The following UPP2 variants were observed in gnomAD, a reference collection of about 807,000 sequenced individuals.
The protein encoded by UPP2 is uridine phosphorylase 2, also known as UPase 2.
Under a neutral mutation model 26.7 loss-of-function variants are expected in UPP2, and 23 were observed. The observed-to-expected ratio is 0.86, with a 90% CI of 0.62 to 1.22. The LOEUF is 1.22. Among genes scored for constraint, UPP2 ranks in the 50% most tolerant of loss-of-function variants. The pLI, the probability that UPP2 is intolerant of heterozygous loss-of-function variation, is 0.00. For synonymous variants in UPP2, 127 were observed against 141.3 expected (o/e 0.90, Z 0.72); for missense variants, 387 against 396.7 (o/e 0.98, Z 0.21).
intron 2 of UPP2, among the ~76,000 whole-genome samples, chr2:158,002,290 C>T (rs1335866888): frequency 1.3e-5 from 2 of 152,168 alleles, no homozygotes; most frequent in African/African-American, 4.8e-5. Flanking sequence ...ACGTGCAACT[C>T]GAAGCCAGAG....
At chr2:158,127,028 C>T (rs1683707908) in intron 6 of UPP2, among the ~76,000 whole-genome samples, 1 of 152,228 alleles carries the variant, frequency 6.6e-6, no homozygotes, top group Admixed American at 6.5e-5. Context: ...AACCATTGTA[C>T]TAACTTAGAT....
At chr2:158,130,447 T>A (rs1683792860) in intron 6 of UPP2, among the ~76,000 whole-genome samples, 1 of 78,588 alleles carries the variant, frequency 1.3e-5, no homozygotes, top group South Asian at 3.9e-4. Flanking sequence ...CAAGAATCCG[T>A]CTCAAAAAAA....
At chr2:158,120,887 C>G (rs1477614230) in intron 4 of UPP2, among the ~76,000 whole-genome samples, 1 of 151,904 alleles carries the variant, frequency 6.6e-6, no homozygotes, top group African/African-American at 2.4e-5. Context: ...CTTAAGTAAG[C>G]CCAAGTCCCT....
chr2:158,053,743 A>C (rs891128404), intron 3 of UPP2, among the ~76,000 whole-genome samples: 2 of 152,240 alleles, frequency 1.3e-5, no homozygotes, highest in African/African-American at 4.8e-5. Flanking sequence ...TTTTAGCCAC[A>C]GGATGTCTCA....
chr2:158,026,360 G>A (rs1469182402), intron 3 of UPP2, among the ~76,000 whole-genome samples: 1 of 152,120 alleles, frequency 6.6e-6, no homozygotes, highest in Admixed American at 6.6e-5. Flanking sequence ...AGGTCTCAAG[G>A]TCCTGATTGT....
rs146951141 is a variant in UPP2, at chr2:158,121,577, C to T, written c.623C>T (p.Thr208Ile). 4 of 1,613,380 alleles carry T rather than the reference C, an allele frequency of 2.5e-6. No homozygotes were observed. Among genetic ancestry groups the T allele is most frequent in the African/African-American group, 1.3e-5 (1 of 74,886 alleles). The change falls in exon 5 of 7, where the codon ACC becomes ATC. Residue 208 changes from threonine to isoleucine, a missense_variant. By Grantham distance (89) the Thr-to-Ile change is moderately conservative. Transcript: ENST00000005756. ...AGCAAAGAAATCCCCAACTTCCCAA[C>T]CCTCGTTGGACATACAATGTGTACC... Reference protein sequence around the residue: ...NCSKEIPNFPTLVGHTMCTYD... With the variant: ...NCSKEIPNFPILVGHTMCTYD...
intron 5 of UPP2, among the ~76,000 whole-genome samples, chr2:158,122,362 A>T (rs1208178321): frequency 6.6e-5 from 10 of 152,070 alleles, no homozygotes; most frequent in Non-Finnish European, 1.3e-4. Flanking sequence ...CTTAAGATAT[A>T]TTGAATTTTA....
At chr2:158,088,385 A>T (rs1682850652) in intron 3 of UPP2, among the ~76,000 whole-genome samples, 1 of 151,822 alleles carries the variant, frequency 6.6e-6, no homozygotes, top group Non-Finnish European at 1.5e-5. Flanking sequence ...TTTTCCCTTC[A>T]TATATCATTT....
chr2:158,071,236 C>A (rs1363662468), intron 3 of UPP2, among the ~76,000 whole-genome samples: 2 of 152,126 alleles, frequency 1.3e-5, no homozygotes, highest in Non-Finnish European at 1.5e-5. Context: ...CCTCCCACAA[C>A]CCCAGGCAGT....
chr2:158,032,259 G>A (rs972380823), intron 3 of UPP2, among the ~76,000 whole-genome samples: 2 of 152,118 alleles, frequency 1.3e-5, no homozygotes, highest in Non-Finnish European at 2.9e-5. Context: ...AGTGGGTCAG[G>A]ATGAAGTCAT....
intron 2 of UPP2, among the ~76,000 whole-genome samples, chr2:158,008,617 A>C (rs1683529767): frequency 6.6e-6 from 1 of 152,218 alleles, no homozygotes; most frequent in Non-Finnish European, 1.5e-5. Flanking sequence ...CTGTAAGATT[A>C]GCACTATTAT....
rs35468647 is a variant in UPP2, at chr2:158,054,400, T to TA, written c.147+38517dup. 8.2e-4 allele frequency among the ~76,000 whole-genome samples: 124 copies of TA among 151,550 alleles called. 2 individuals carry two copies. In the East Asian group the frequency reaches 0.016, roughly 19 times the overall value. ...TTATTTTGAGGTTTTTTTTTTTTTT[T>TA]AAATCCTTGCAATGTGTAGAGAAAG... On this transcript the variant is annotated intron_variant, in intron 3 of 9. Coordinates refer to the UPP2 transcript ENST00000605860.
chr2:158,119,975 C>T (rs1683528564), intron 4 of UPP2, among the ~76,000 whole-genome samples: 1 of 149,132 alleles, frequency 6.7e-6, no homozygotes, highest in Non-Finnish European at 1.5e-5. Flanking sequence ...CACCCCACTA[C>T]ATTACAGCCT....
chr2:158,128,799 A>G (rs766499956), intron 6 of UPP2, among the ~76,000 whole-genome samples: 18 of 152,158 alleles, frequency 1.2e-4, no homozygotes, highest in Non-Finnish European at 2.5e-4. Context: ...TGGTGAGCAG[A>G]TAGTTGCACC....
intron 3 of UPP2, among the ~76,000 whole-genome samples, chr2:158,045,122 T>TGC (rs1310804547): frequency 6.6e-6 from 1 of 151,374 alleles, no homozygotes. Context: ...CCTTGTCCCT[T>TGC]GAGAAAATAA....
rs778993032 is a variant in UPP2 at position 158,117,932 on chromosome 2, G to A, written c.448G>A (p.Gly150Arg). Residue 150 changes from glycine to arginine, a missense_variant, in exon 4 of 7, where the codon GGA becomes AGA. Transcript: ENST00000005756. ...VTIIRIGTSGGIGIAPGTVVI... is the reference protein window; with the variant it reads ...VTIIRIGTSGRIGIAPGTVVI... Reference sequence around the variant, plus strand: ...CATTATTAGAATCGGTACATCAGGGGGAATAGGTGAGACGGATTGATGTCT... The same window carrying A: ...CATTATTAGAATCGGTACATCAGGGAGAATAGGTGAGACGGATTGATGTCT... The A allele has an allele frequency of 4.4e-6, 7 of 1,607,818 alleles. No individual in the cohort carries two copies. The South Asian group carries it at 6.6e-5, about 15-fold the overall frequency.
intron 3 of UPP2, among the ~76,000 whole-genome samples, chr2:158,049,626 A>G (rs1682114940): frequency 6.6e-6 from 1 of 152,118 alleles, no homozygotes; most frequent in Non-Finnish European, 1.5e-5. Context: ...AGTCGGGGAG[A>G]ACAGGCAGCA....
At chr2:158,032,054 C>T (rs1683929077) in intron 3 of UPP2, among the ~76,000 whole-genome samples, 1 of 152,044 alleles carries the variant, frequency 6.6e-6, no homozygotes, top group African/African-American at 2.4e-5. Context: ...GAGAGAGCTG[C>T]CGGAATGGTA....
At chr2:158,100,460 T>A (rs1683056426), upstream of UPP2, among the ~76,000 whole-genome samples, 1 of 152,186 alleles carries the variant, frequency 6.6e-6, no homozygotes, top group Non-Finnish European at 1.5e-5. Flanking sequence ...AATTGGTGGT[T>A]CTCCTCATTA....
Sources: gnomAD v4.1 joint callset for allele counts (sites outside exome capture counted in the v4.1 genomes callset) on GRCh38, gnomAD v4.1.1 for gene constraint, MANE v1.5 for transcripts, NCBI Gene and HGNC (gene_info 2026-07-23, HGNC 2026-07-21) for gene names.